MIR2052HG: variants seen among roughly 807,000 people sequenced by gnomAD.
The protein encoded by MIR2052HG is MIR2052 host gene.
chr8:74,706,969 G>T (rs1031130497), intron 4 of MIR2052HG, among the ~76,000 whole-genome samples: 1 of 152,060 alleles, frequency 6.6e-6, no homozygotes, highest in Non-Finnish European at 1.5e-5. Flanking sequence ...AAATGTATTG[G>T]TTAAGAAATA....
At chr8:74,707,317 A>G (rs1185871919) in intron 4 of MIR2052HG, among the ~76,000 whole-genome samples, 2 of 152,142 alleles carry the variant, frequency 1.3e-5, no homozygotes, top group African/African-American at 4.8e-5. Context: ...TCTTCAGAAT[A>G]CACCCATGCT....
intron 2 of MIR2052HG, among the ~76,000 whole-genome samples, chr8:74,692,950 T>C (rs2128740074): frequency 6.6e-6 from 1 of 152,348 alleles, no homozygotes; most frequent in East Asian, 1.9e-4. Flanking sequence ...ACATGACCTA[T>C]GAAAATTAAA....
chr8:74,609,302 T>C (rs1403513390), intron 1 of MIR2052HG, among the ~76,000 whole-genome samples: 1 of 152,004 alleles, frequency 6.6e-6, no homozygotes, highest in East Asian at 1.9e-4. Flanking sequence ...TGAATTGTAG[T>C]TAAAAATTTT....
At position 74,693,108 on chromosome 8, in the gene MIR2052HG, G is replaced by A. The variant is rs1183294468; in HGVS notation, n.217-9271G>A. Among the ~76,000 whole-genome samples the A allele has an allele frequency of 3.3e-5, 5 of 152,164 alleles. No individual in the cohort carries two copies. The East Asian group carries it at 7.7e-4, about 23-fold the overall frequency. Reference sequence around the variant, plus strand: ...GGCGTCAGAAAACACAGACTGACAAGTTATATGATCATGGGCAACTCAATG... The same window carrying A: ...GGCGTCAGAAAACACAGACTGACAAATTATATGATCATGGGCAACTCAATG... On this transcript the variant is annotated intron_variant and non_coding_transcript_variant, in intron 2 of 6. Coordinates refer to ENST00000523442, the Ensembl canonical transcript of MIR2052HG.
intron 2 of MIR2052HG, among the ~76,000 whole-genome samples, chr8:74,620,346 C>T (rs912710619): frequency 6.6e-6 from 1 of 152,182 alleles, no homozygotes; most frequent in Non-Finnish European, 1.5e-5. Flanking sequence ...TCTCATAGCT[C>T]CTCTAGGCAG....
At chr8:74,600,397 A>G (rs2128729723) in intron 1 of MIR2052HG, among the ~76,000 whole-genome samples, 1 of 151,402 alleles carries the variant, frequency 6.6e-6, no homozygotes, top group Middle Eastern at 3.4e-3. Context: ...CTAGCTGACC[A>G]ACATGGAGAA....
At chr8:74,618,319 T>C (rs1246052265) in intron 2 of MIR2052HG, among the ~76,000 whole-genome samples, 3 of 152,246 alleles carry the variant, frequency 2.0e-5, no homozygotes, top group Non-Finnish European at 4.4e-5. Flanking sequence ...GCCCATTTAT[T>C]AATTTTCTCC....
intron 2 of MIR2052HG, among the ~76,000 whole-genome samples, chr8:74,667,194 T>G (rs886901195): frequency 6.6e-6 from 1 of 152,000 alleles, no homozygotes; most frequent in Non-Finnish European, 1.5e-5. Flanking sequence ...AGAGGAGGGG[T>G]ATGAATGTGG....
At chr8:74,688,564 T>C (rs144193808) in intron 2 of MIR2052HG, among the ~76,000 whole-genome samples, 347 of 152,358 alleles carry the variant, frequency 2.3e-3, no homozygotes, top group African/African-American at 7.6e-3. Context: ...CTTTAACTTA[T>C]TAGATGCTGC....
chr8:74,604,582 AC>A (rs1057061095), intron 1 of MIR2052HG, among the ~76,000 whole-genome samples: 1 of 55,492 alleles, frequency 1.8e-5, no homozygotes, highest in Non-Finnish European at 3.5e-5. Context: ...TTGTTTCTTT[AC>A]TTTTTTTTTT....
intron 2 of MIR2052HG, among the ~76,000 whole-genome samples, chr8:74,662,144 A>C (rs964358874): frequency 5.3e-5 from 8 of 152,186 alleles, no homozygotes; most frequent in Admixed American, 5.2e-4. Flanking sequence ...TTGAAACAAG[A>C]GTTCCCTGAA....
At chr8:74,613,693 G>A (rs1457543306) in intron 2 of MIR2052HG, among the ~76,000 whole-genome samples, 1 of 152,116 alleles carries the variant, frequency 6.6e-6, no homozygotes, top group African/African-American at 2.4e-5. Context: ...TGCCATGTTG[G>A]CCAAGCTGGT....
At chr8:74,604,367 G>A (rs912278032) in intron 1 of MIR2052HG, 40 of 491,502 alleles carry the variant, frequency 8.1e-5, no homozygotes, top group Non-Finnish European at 1.4e-4. Context: ...GGCTGGAAGG[G>A]GAAGGGCGGG....
At chr8:74,716,577 G>A (rs1013493397) in intron 4 of MIR2052HG, among the ~76,000 whole-genome samples, 1 of 152,102 alleles carries the variant, frequency 6.6e-6, no homozygotes, top group African/African-American at 2.4e-5. Context: ...GGGTGTGGTG[G>A]TGCGCACCTG....
At chr8:74,659,198 T>G (rs1470560584) in intron 2 of MIR2052HG, among the ~76,000 whole-genome samples, 1 of 152,158 alleles carries the variant, frequency 6.6e-6, no homozygotes, top group East Asian at 1.9e-4. Context: ...CTAAATATGC[T>G]CATAAAGAAG....
intron 4 of MIR2052HG, among the ~76,000 whole-genome samples, chr8:74,752,009 A>G (rs999328527): frequency 6.6e-6 from 1 of 152,146 alleles, no homozygotes; most frequent in African/African-American, 2.4e-5. Flanking sequence ...CAGTCTAGGC[A>G]TAGTCATACA....
At chr8:74,665,804 G>A (rs960857817) in intron 2 of MIR2052HG, among the ~76,000 whole-genome samples, 4 of 152,102 alleles carry the variant, frequency 2.6e-5, no homozygotes, top group African/African-American at 9.7e-5. Flanking sequence ...GGAGGTAATT[G>A]AATCATGGGA....
chr8:74,756,258 CT>C (rs1273458204), intron 5 of MIR2052HG, among the ~76,000 whole-genome samples: 2 of 152,236 alleles, frequency 1.3e-5, no homozygotes, highest in African/African-American at 4.8e-5. Flanking sequence ...CCCCACTCCA[CT>C]CCCCTGGAGT....
At chr8:74,614,336 C>T (rs1024024649) in intron 2 of MIR2052HG, among the ~76,000 whole-genome samples, 2 of 152,038 alleles carry the variant, frequency 1.3e-5, no homozygotes, top group East Asian at 3.9e-4. Flanking sequence ...TGTCTTTTTT[C>T]TCTGCATTCA....
Sources: gnomAD v4.1 joint callset for allele counts (sites outside exome capture counted in the v4.1 genomes callset) on GRCh38, gnomAD v4.1.1 for gene constraint, MANE v1.5 for transcripts, NCBI Gene and HGNC (gene_info 2026-07-23, HGNC 2026-07-21) for gene names.